The following BMS1 variants were observed in gnomAD, a reference collection of about 807,000 sequenced individuals.
The protein encoded by BMS1 is ribosome biogenesis protein BMS1 homolog.
BMS1 carries 53 observed loss-of-function variants against 138.7 expected under a neutral mutation model. That is an observed-to-expected ratio of 0.38 (90% CI 0.31 to 0.48). The LOEUF (loss-of-function observed/expected upper bound fraction) is 0.48. Ranked by LOEUF, BMS1 falls within the 20% of genes least tolerant of loss-of-function variation. The pLI is 0.97. For missense variants in BMS1, 1,360 were observed against 1,565.5 expected (o/e 0.87, Z 2.22); for synonymous variants, 504 against 539.9 (o/e 0.93, Z 0.92).
intron 15 of BMS1, 56 bp from the exon 16 acceptor site, chr10:42,820,180 C>T: frequency 6.3e-7 from 1 of 1,582,606 alleles, no homozygotes; most frequent in Non-Finnish European, 8.6e-7. Context: ...TCATGTTAAT[C>T]TTATGTTTAT....
At position 42,789,961 on chromosome 10, in the gene BMS1, C is replaced by T. The variant is rs73252900; in HGVS notation, c.448-362C>T. On this transcript the variant is annotated intron_variant, in intron 4 of 22. Coordinates refer to ENST00000374518, the MANE Select transcript of BMS1 (RefSeq NM_014753.4). ...AAATTCTTATAATGGAAGTTTATAT[C>T]CTAGTGGACATTGTCTTATGGGTTG... Among the ~76,000 whole-genome samples the T allele has an allele frequency of 4.1e-3, 620 of 152,210 alleles. 4 individuals carry two copies. The highest frequency in any genetic ancestry group is 0.014 in the African/African-American group (590 of 41,528).
Position 42,805,146 on chromosome 10 carries a change from T to A in BMS1, c.2329+2928T>A, listed in dbSNP as rs186185191. On this transcript the variant is annotated intron_variant, in intron 13 of 22. Transcript: ENST00000374518. ...TCAGGTTTTACGTTTAGGTCTATAA[T>A]TCTTTTTGAGTTAATTTTTTATAGA... Among the ~76,000 whole-genome samples, 94 of 152,348 alleles carry A rather than the reference T, an allele frequency of 6.2e-4. No individual in the cohort carries two copies. In the East Asian group the frequency reaches 0.017, roughly 28 times the overall value.
Position 42,817,395 on chromosome 10 carries a change from T to G in BMS1, c.2481T>G (p.Asp827Glu), listed in dbSNP as rs754665507. ...EEESAKKKHL[D>E]KKRKLKEMFD... ...AAAGTGCCAAGAAAAAGCATTTGGA[T>G]AAGAAGAGAAAATTGAAGGAGATGT... is the stretch of plus-strand genomic sequence containing the variant. The change falls in exon 15 of 23, where the codon GAT (aspartate) becomes GAG (glutamate). Residue 827 changes from aspartate (D) to glutamate (E), a missense_variant. Around this residue, in one of 3 missense-constraint regions of BMS1, gnomAD observed 425 missense variants for 568.3 expected, o/e 0.75. Coordinates refer to ENST00000374518, the MANE Select transcript of BMS1 (RefSeq NM_014753.4). The G allele has an allele frequency of 1.4e-4, 224 of 1,610,246 alleles. No homozygotes were observed. Among genetic ancestry groups the G allele is most frequent in the Non-Finnish European group, 1.7e-4 (206 of 1,179,436 alleles).
chr10:42,823,537 T>C, intron 20 of BMS1, 72 bp from the exon 21 acceptor site: 1 of 1,393,146 alleles, frequency 7.2e-7, no homozygotes, highest in Non-Finnish European at 9.5e-7. Context: ...GAAGGTTTTA[T>C]TCTTTGTTTC....
At chr10:42,785,169 T>C (rs1368918250) in intron 2 of BMS1, among the ~76,000 whole-genome samples, 1 of 152,236 alleles carries the variant, frequency 6.6e-6, no homozygotes, top group African/African-American at 2.4e-5. Context: ...TTTTGGTTTT[T>C]TAAAAAACTA....
At position 42,793,940 on chromosome 10, in the gene BMS1, C is replaced by T. The variant is rs139699494; in HGVS notation, c.1178C>T (p.Thr393Met). 49 of 1,611,496 alleles carry T rather than the reference C, an allele frequency of 3.0e-5. No individual in the cohort carries two copies. In the African/African-American group the frequency reaches 3.2e-4, roughly 11 times the overall value. ...IDAKMASSRV[T>M]LFSDSKPLGS... is the part of the protein sequence containing the mutation. ...GCCAAGATGGCTTCAAGTCGAGTGA[C>T]GCTGTTTTCTGATTCCAAGCCACTT... is the stretch of plus-strand genomic sequence containing the variant. Residue 393 changes from threonine to methionine, a missense_variant, in exon 9 of 23, where the codon ACG becomes ATG. By Grantham distance (81) the Thr-to-Met change is moderately conservative (BLOSUM62 -1). Transcript: ENST00000374518.
intron 21 of BMS1, among the ~76,000 whole-genome samples, chr10:42,829,439 A>T (rs1158316719): frequency 6.6e-6 from 1 of 152,192 alleles, no homozygotes; most frequent in African/African-American, 2.4e-5. Flanking sequence ...TTCCATCAGA[A>T]ATAGAATACC....
chr10:42,820,144 C>T, intron 15 of BMS1, 92 bp from the exon 16 acceptor site: 4 of 1,472,010 alleles, frequency 2.7e-6, no homozygotes, highest in Non-Finnish European at 3.7e-6. Flanking sequence ...GTCCACAGTT[C>T]CTTTACTTAG....
At chr10:42,794,335 C>G (rs1841605605) in intron 9 of BMS1, among the ~76,000 whole-genome samples, 1 of 152,068 alleles carries the variant, frequency 6.6e-6, no homozygotes, top group African/African-American at 2.4e-5. Context: ...TGTGGCTGTC[C>G]AGAAGCCACA....
intron 13 of BMS1, among the ~76,000 whole-genome samples, chr10:42,807,772 A>C (rs1173635655): frequency 1.3e-5 from 2 of 152,178 alleles, no homozygotes; most frequent in Non-Finnish European, 2.9e-5. Flanking sequence ...CTTGTATAGA[A>C]GTTTTTGTGT....
intron 19 of BMS1, among the ~76,000 whole-genome samples, chr10:42,822,737 C>T (rs901508108): frequency 6.6e-6 from 1 of 152,116 alleles, no homozygotes; most frequent in African/African-American, 2.4e-5. Flanking sequence ...ATAATACCAC[C>T]AGCGTTTATC....
At chr10:42,804,123 T>G (rs2132335477) in intron 13 of BMS1, among the ~76,000 whole-genome samples, 1 of 152,362 alleles carries the variant, frequency 6.6e-6, no homozygotes, top group Non-Finnish European at 1.5e-5. Flanking sequence ...AGCAATTTAT[T>G]TATCTGTTAA....
At chr10:42,797,278 A>G in intron 10 of BMS1, 47 bp downstream of exon 10, 1 of 1,579,330 alleles carries the variant, frequency 6.3e-7, no homozygotes, top group Non-Finnish European at 8.6e-7. Flanking sequence ...GGCTCTCGAA[A>G]TGGTAACCAA....
chr10:42,827,350 T>C (rs1378922769), intron 21 of BMS1, among the ~76,000 whole-genome samples: 1 of 152,168 alleles, frequency 6.6e-6, no homozygotes, highest in East Asian at 1.9e-4. Flanking sequence ...ACAGCCACAC[T>C]AAATGGCCTG....
chr10:42,794,833 T>C (rs1335295124), intron 9 of BMS1, among the ~76,000 whole-genome samples: 2 of 151,962 alleles, frequency 1.3e-5, no homozygotes, highest in Non-Finnish European at 2.9e-5. Context: ...TACATATGTA[T>C]ACATGTGCCA....
At position 42,825,699 on chromosome 10, in the gene BMS1, G is replaced by A. The variant is rs1300543012; in HGVS notation, c.3456+1915G>A. ...CTCACACTTTTTTGTGGAATCTTTG[G>A]AGTTTTTTATGTAAAGGATCTTGTC... On this transcript the variant is annotated intron_variant, in intron 21 of 22. Transcript: ENST00000374518. 2.0e-5 allele frequency among the ~76,000 whole-genome samples: 3 copies of A among 152,138 alleles called. No homozygotes were observed. In the East Asian group the frequency reaches 5.8e-4, roughly 29 times the overall value.
rs190591991 is a variant in BMS1 at position 42,802,647 on chromosome 10, A to G, written c.2329+429A>G. On this transcript the variant is annotated intron_variant, in intron 13 of 22. Coordinates refer to ENST00000374518, the MANE Select transcript of BMS1 (RefSeq NM_014753.4). ...TTCAACTGTTTCCTTCTAGTCATTT[A>G]AAAATTGTGTGTTTAAACCTTTTTA... 2.5e-4 allele frequency among the ~76,000 whole-genome samples: 38 copies of G among 152,114 alleles called. No homozygotes were observed. In the East Asian group the frequency reaches 7.1e-3, roughly 29 times the overall value.
intron 3 of BMS1, among the ~76,000 whole-genome samples, chr10:42,786,481 G>A (rs1415223318): frequency 2.0e-5 from 3 of 152,098 alleles, no homozygotes; most frequent in Non-Finnish European, 4.4e-5. Flanking sequence ...GTGCAGTGGT[G>A]TGATTACGGC....
At position 42,784,234 on chromosome 10, in the gene BMS1, C is replaced by G. The variant is rs185115918; in HGVS notation, c.-33-128C>G. The G allele has an allele frequency of 2.5e-3, 1,565 of 638,210 alleles. 15 individuals are homozygous for G. The highest frequency in any genetic ancestry group is 8.4e-3 in the Middle Eastern group (19 of 2,260). 39.5% of individuals were successfully genotyped at this position (638,210 alleles called of 1,614,324 possible). A position where few individuals can be genotyped will look rare whatever the true frequency, so the allele number is the denominator to read the frequency against. Reference sequence around the variant, plus strand: ...TTGGGGATGGTTAAGCAGTTTCTACCCTTGTTCAGTGAACAAATACATCAT... The same window carrying G: ...TTGGGGATGGTTAAGCAGTTTCTACGCTTGTTCAGTGAACAAATACATCAT... On this transcript the variant is annotated intron_variant, in intron 1 of 22. Coordinates refer to ENST00000374518, the MANE Select transcript of BMS1 (RefSeq NM_014753.4).
Sources: gnomAD v4.1 joint callset for allele counts (sites outside exome capture counted in the v4.1 genomes callset) on GRCh38, gnomAD v4.1.1 for gene constraint, gnomAD v4.1.1 regional missense constraint, MANE v1.5 for transcripts, NCBI Gene and HGNC (gene_info 2026-07-23, HGNC 2026-07-21) for gene names.